SNTG2: variants seen among roughly 807,000 people sequenced by gnomAD.
SNTG2 encodes gamma-2-syntrophin.
A neutral mutation model predicts 70.9 loss-of-function variants in SNTG2; 74 were observed. That is an observed-to-expected ratio of 1.04 (90% CI 0.86 to 1.27). SNTG2 has a LOEUF of 1.27. Among genes scored for constraint, SNTG2 ranks in the 50% most tolerant of loss-of-function variants. The pLI, the probability that SNTG2 is intolerant of heterozygous loss-of-function variation, is 0.00. For synonymous variants in SNTG2, 278 were observed against 273.8 expected, an observed-to-expected ratio of 1.02 and a Z score of -0.15; for missense variants, 717 against 690.7, an observed-to-expected ratio of 1.04 and a Z score of -0.43.
intron 6 of SNTG2, among the ~76,000 whole-genome samples, chr2:1,146,096 T>C (rs1669083560): frequency 6.6e-6 from 1 of 152,150 alleles, no homozygotes; most frequent in African/African-American, 2.4e-5. Flanking sequence ...GCTAACATCA[T>C]AGATAATGGT....
At chr2:1,105,029 T>C (rs1666024800) in intron 4 of SNTG2, among the ~76,000 whole-genome samples, 1 of 152,220 alleles carries the variant, frequency 6.6e-6, no homozygotes, top group South Asian at 2.1e-4. Context: ...ATCCACCCAC[T>C]GGAACCGGAC....
intron 6 of SNTG2, among the ~76,000 whole-genome samples, chr2:1,151,666 GA>G (rs1669505873): frequency 1.3e-5 from 2 of 151,994 alleles, no homozygotes; most frequent in Non-Finnish European, 2.9e-5. Context: ...AGGCTGCTCC[GA>G]AAGCCTTTGC....
At chr2:978,886 T>A (rs1414183539) in intron 1 of SNTG2, among the ~76,000 whole-genome samples, 1 of 152,198 alleles carries the variant, frequency 6.6e-6, no homozygotes, top group Non-Finnish European at 1.5e-5. Context: ...ATCCATAAAG[T>A]CATTTATAAG....
At chr2:1,239,904 G>A in intron 11 of SNTG2, 128 bp downstream of exon 11, 1 of 1,165,600 alleles carries the variant, frequency 8.6e-7, no homozygotes, top group Non-Finnish European at 1.2e-6. Context: ...AATGTTGATA[G>A]GAAAACATTA....
intron 2 of SNTG2, among the ~76,000 whole-genome samples, chr2:1,087,800 C>A (rs902799487): frequency 8.5e-5 from 13 of 152,178 alleles, no homozygotes; most frequent in Non-Finnish European, 1.9e-4. Context: ...GCTTCTATAA[C>A]AACCAACGTG....
intron 1 of SNTG2, among the ~76,000 whole-genome samples, chr2:1,081,527 G>A (rs911907045): frequency 3.9e-5 from 6 of 152,222 alleles, no homozygotes; most frequent in Non-Finnish European, 5.9e-5. Context: ...CTCAGCCCTC[G>A]GTCAGGCAGG....
intron 14 of SNTG2, among the ~76,000 whole-genome samples, chr2:1,283,290 G>A (rs930038271): frequency 7.9e-5 from 12 of 152,116 alleles, no homozygotes; most frequent in Non-Finnish European, 1.8e-4. Context: ...TGCTGGGCCC[G>A]TGCACACCCA....
chr2:1,364,212 C>T (rs1186044089), intron 16 of SNTG2, among the ~76,000 whole-genome samples: 1 of 151,674 alleles, frequency 6.6e-6, no homozygotes, highest in Non-Finnish European at 1.5e-5. Context: ...AAACTCCTAA[C>T]TTCAGGTGAT....
rs183036567 is a variant in SNTG2 at position 1,030,467 on chromosome 2, A to C, written c.73-53051A>C. ...ATGGTACAAACACACAACAAGATGT[A>C]CTTATTGGAGGCTGCTCACATGTGC... On this transcript the variant is annotated intron_variant, in intron 1 of 16. Coordinates refer to ENST00000308624, the MANE Select transcript of SNTG2 (RefSeq NM_018968.4). 6.0e-3 allele frequency among the ~76,000 whole-genome samples: 920 copies of C among 152,288 alleles called. 5 individuals are homozygous for C. The highest frequency in any genetic ancestry group is 0.011 in the Non-Finnish European group (744 of 68,028).
chr2:1,069,489 GA>G (rs5828802), intron 1 of SNTG2, among the ~76,000 whole-genome samples: 26,921 of 143,800 alleles, frequency 0.19, 2,416 homozygotes, highest in South Asian at 0.23. Context: ...CTGAGGCTAG[GA>G]AAAAAAAAAA....
At chr2:991,545 G>GTT (rs1198481556) in intron 1 of SNTG2, among the ~76,000 whole-genome samples, 1 of 152,124 alleles carries the variant, frequency 6.6e-6, no homozygotes, top group African/African-American at 2.4e-5. Context: ...TCCTGTTATA[G>GTT]TTTTGACCTA....
chr2:1,256,086 G>A (rs1243185736), intron 12 of SNTG2, among the ~76,000 whole-genome samples: 2 of 151,124 alleles, frequency 1.3e-5, no homozygotes, highest in Non-Finnish European at 2.9e-5. Flanking sequence ...AACCTAGATG[G>A]GCTGTATATT....
intron 1 of SNTG2, among the ~76,000 whole-genome samples, chr2:1,063,339 C>A (rs4458241): frequency 0.56 from 85,646 of 151,936 alleles, 24,458 homozygotes; most frequent in East Asian, 0.68. Flanking sequence ...ACAGACTTCC[C>A]AGGAGTTGCA....
intron 1 of SNTG2, among the ~76,000 whole-genome samples, chr2:951,753 C>T (rs1218937361): frequency 6.6e-6 from 1 of 152,156 alleles, no homozygotes; most frequent in Admixed American, 6.5e-5. Context: ...AGTTGCCACC[C>T]ACAGCACAGC....
chr2:1,259,217 C>T (rs1312234398), intron 12 of SNTG2, among the ~76,000 whole-genome samples, 153 bp from the exon 13 acceptor site: 2 of 152,172 alleles, frequency 1.3e-5, no homozygotes, highest in African/African-American at 2.4e-5. Context: ...AAACTCACAG[C>T]AGTACGTAAA....
intron 14 of SNTG2, among the ~76,000 whole-genome samples, chr2:1,282,211 G>A (rs1187133997): frequency 2.0e-5 from 3 of 152,086 alleles, no homozygotes; most frequent in Non-Finnish European, 4.4e-5. Context: ...ATTCTCTTCC[G>A]CAGCGAAGTG....
chr2:1,075,501 A>G (rs1370288184), intron 1 of SNTG2, among the ~76,000 whole-genome samples: 1 of 152,210 alleles, frequency 6.6e-6, no homozygotes, highest in Non-Finnish European at 1.5e-5. Flanking sequence ...GTCATTGTTC[A>G]CTGAAAGAAA....
At chr2:1,256,817 T>C (rs1405697783) in intron 12 of SNTG2, among the ~76,000 whole-genome samples, 4 of 152,122 alleles carry the variant, frequency 2.6e-5, no homozygotes, top group Non-Finnish European at 5.9e-5. Flanking sequence ...GGGAAGCCGA[T>C]GGCAGGGCCT....
intron 16 of SNTG2, among the ~76,000 whole-genome samples, chr2:1,327,379 T>G (rs891385465): frequency 6.6e-6 from 1 of 152,228 alleles, no homozygotes; most frequent in African/African-American, 2.4e-5. Context: ...TATATCTATT[T>G]GGAAATGACT....
Sources: allele counts gnomAD v4.1 joint callset (sites outside exome capture counted in the v4.1 genomes callset), GRCh38; gene constraint gnomAD v4.1.1; transcripts MANE v1.5; gene names NCBI Gene and HGNC (gene_info 2026-07-23, HGNC 2026-07-21).